Variants in NRDE2 observed in about 807,000 individuals in gnomAD.
NRDE2 encodes NRDE-2, necessary for RNA interference, domain containing, also known as nuclear exosome regulator NRDE2.
NRDE2 carries 76 observed loss-of-function variants against 124.2 expected under a neutral mutation model. The ratio of observed to expected loss-of-function variants is 0.61; its 90% CI spans 0.51 to 0.74. NRDE2 has a LOEUF of 0.74. Ranked by LOEUF, NRDE2 falls within the 30% of genes least tolerant of loss-of-function variation. The pLI, the probability that NRDE2 is intolerant of heterozygous loss-of-function variation, is 0.00. For synonymous variants in NRDE2, 489 were observed against 528.1 expected, an observed-to-expected ratio of 0.93 and a Z score of 1.01; for missense variants, 1,314 against 1,417.3, an observed-to-expected ratio of 0.93 and a Z score of 1.17.
rs537683983 is a variant in NRDE2 at position 90,286,960 on chromosome 14, G to T, written c.3159-468C>A. Among the ~76,000 whole-genome samples, 7 of 149,436 alleles carry T rather than the reference G, an allele frequency of 4.7e-5. No individual in the cohort carries two copies. In the South Asian group the frequency reaches 1.5e-3, roughly 32 times the overall value. On this transcript the variant is annotated intron_variant, in intron 11 of 13. Transcript: ENST00000354366. ...GAGGCAGGAGAATTGCTTGAACCCG[G>T]GAGGCGGAGGTTGCAGTGAGCTGAG...
intron 8 of NRDE2, among the ~76,000 whole-genome samples, chr14:90,296,535 C>T (rs144572166): frequency 7.6e-4 from 115 of 152,290 alleles, no homozygotes; most frequent in Admixed American, 1.8e-3. Flanking sequence ...AATAGAGATG[C>T]TCCCTGGCCC....
rs868439568 is a variant in NRDE2 at position 90,289,064 on chromosome 14, G to C, written c.2311C>G (p.Leu771Val). 1.2e-6 allele frequency: 2 copies of C among 1,614,062 alleles called. No homozygotes were observed. Among genetic ancestry groups the C allele is most frequent in the Non-Finnish European group, 1.7e-6 (2 of 1,179,944 alleles). ...TTGTTGCAGTTTTCTGGCTCCTTAA[G>C]GAGATTCTTGGCTAGTTTTTTGCAG... The part of the protein sequence containing the change: ...KNCKKLAKNL[L>V]KEPENCNNFC... The change falls in exon 11 of 14, where the codon CTT becomes GTT. Residue 771 changes from leucine to valine, a missense_variant. Transcript: ENST00000354366.
chr14:90,286,803 C>T lies in NRDE2; in HGVS notation c.3159-311G>A, dbSNP rs528124809. Among the ~76,000 whole-genome samples the T allele has an allele frequency of 4.4e-4, 67 of 152,154 alleles. 1 individual carries two copies. Among genetic ancestry groups the T allele is most frequent in the Non-Finnish European group, 1.9e-4 (13 of 67,992 alleles). The stretch of plus-strand genomic sequence containing the variant: ...ATGGCTCATGCCTGTAATCCTAGCA[C>T]TTCGGGAGGCCAAGGTGGGTAGATC... On this transcript the variant is annotated intron_variant, in intron 11 of 13. Transcript: ENST00000354366.
At chr14:90,299,580 G>C (rs1884313468) in intron 7 of NRDE2, among the ~76,000 whole-genome samples, 1 of 152,178 alleles carries the variant, frequency 6.6e-6, no homozygotes, top group African/African-American at 2.4e-5. Flanking sequence ...AGGACAAGCA[G>C]GCTTCCAGTG....
chr14:90,318,131 G>A lies in NRDE2; in HGVS notation c.65-18C>T. 1 of 1,575,684 alleles carries A rather than the reference G, an allele frequency of 6.3e-7. No individual in the cohort carries two copies. Among genetic ancestry groups the A allele is most frequent in the Non-Finnish European group, 8.7e-7 (1 of 1,149,716 alleles). ...GTCTAACTCTGCACAGGCAAAAGGA[G>A]AAAAGATCAATGAAATTAGTTCAAT... On this transcript the variant is annotated intron_variant, in intron 1 of 13. Coordinates refer to ENST00000354366, the MANE Select transcript of NRDE2 (RefSeq NM_017970.4).
At chr14:90,301,413 C>G (rs748192292) in intron 6 of NRDE2, 41 bp from the exon 7 acceptor site, 2 of 1,604,188 alleles carry the variant, frequency 1.2e-6, no homozygotes, top group Non-Finnish European at 1.7e-6. Context: ...CTGGTTGATA[C>G]CGTTAAAGGG....
intron 1 of NRDE2, 65 bp downstream of exon 1, chr14:90,331,776 C>T (rs1885711352): frequency 1.3e-6 from 2 of 1,534,022 alleles, no homozygotes; most frequent in African/African-American, 2.7e-5. Flanking sequence ...AAAGTCTAGA[C>T]CTGGGCCCGA....
chr14:90,288,188 G>A (rs754699660), intron 11 of NRDE2, 29 bp downstream of exon 11: 24 of 1,582,182 alleles, frequency 1.5e-5, no homozygotes, highest in Non-Finnish European at 2.1e-5. Context: ...ACATTTGCGG[G>A]GCACACGAAC....
At chr14:90,310,680 C>T (rs2139699562) in intron 4 of NRDE2, among the ~76,000 whole-genome samples, 1 of 152,226 alleles carries the variant, frequency 6.6e-6, no homozygotes, top group Non-Finnish European at 1.5e-5. Flanking sequence ...ACAACATGCC[C>T]AGCTAATTTT....
intron 10 of NRDE2, among the ~76,000 whole-genome samples, chr14:90,289,952 T>C (rs1159920392): frequency 6.6e-6 from 1 of 152,192 alleles, no homozygotes; most frequent in Non-Finnish European, 1.5e-5. Context: ...GAGCACTCAT[T>C]GTTCATGTAA....
chr14:90,316,473 G>A (rs1255333671), intron 3 of NRDE2, 105 bp downstream of exon 3: 4 of 784,780 alleles, frequency 5.1e-6, no homozygotes, highest in South Asian at 1.7e-5. Context: ...GCTCTCTTCC[G>A]ACTGAGTGAC....
chr14:90,295,912 TG>T (rs1483880364), intron 8 of NRDE2, among the ~76,000 whole-genome samples: 1 of 152,230 alleles, frequency 6.6e-6, no homozygotes, highest in Non-Finnish European at 1.5e-5. Flanking sequence ...TTGCAGAGAA[TG>T]TAAGTACCAA....
intron 4 of NRDE2, among the ~76,000 whole-genome samples, chr14:90,308,598 A>G (rs1387506050): frequency 6.6e-6 from 1 of 152,186 alleles, no homozygotes; most frequent in East Asian, 1.9e-4. Context: ...TAGTCCTCAC[A>G]TGACAGTGCT....
chr14:90,325,192 GA>G (rs1462991575), intron 1 of NRDE2, among the ~76,000 whole-genome samples: 1 of 152,060 alleles, frequency 6.6e-6, no homozygotes, highest in Non-Finnish European at 1.5e-5. Context: ...AGGTTTGGGG[GA>G]AAAAGATAAT....
At chr14:90,313,197 G>A (rs529532242) in intron 3 of NRDE2, among the ~76,000 whole-genome samples, 1 of 136,630 alleles carries the variant, frequency 7.3e-6, no homozygotes, top group Non-Finnish European at 1.5e-5. Flanking sequence ...CGCCATCTCC[G>A]CTCACTGCAA....
Position 90,275,499 on chromosome 14 carries a change from A to G in NRDE2, c.*2837T>C, listed in dbSNP as rs746155926. 1 of 150,052 alleles carries G rather than the reference A, an allele frequency of 6.7e-6. No homozygotes were observed. The highest frequency in any genetic ancestry group is 1.5e-5 in the Non-Finnish European group (1 of 68,042). 9.3% of individuals were successfully genotyped at this position (150,052 alleles called of 1,614,324 possible). On this transcript the variant is annotated 3_prime_UTR_variant, in exon 14 of 14. Transcript: ENST00000354366. Reference sequence around the variant, plus strand: ...TTCCTCTAGAGGGACAGTCTCCCTCATGTCAATTCTACAAAAGCAGCTAAA... The same window carrying G: ...TTCCTCTAGAGGGACAGTCTCCCTCGTGTCAATTCTACAAAAGCAGCTAAA...
intron 1 of NRDE2, among the ~76,000 whole-genome samples, chr14:90,322,069 G>A (rs1467431432): frequency 2.0e-5 from 3 of 152,108 alleles, no homozygotes; most frequent in Non-Finnish European, 2.9e-5. Context: ...CCCACGCCAC[G>A]GAGCTTCTCT....
chr14:90,288,033 C>T (rs1056710370), intron 11 of NRDE2, among the ~76,000 whole-genome samples, 184 bp downstream of exon 11: 2 of 152,200 alleles, frequency 1.3e-5, no homozygotes, highest in Non-Finnish European at 2.9e-5. Context: ...TGAGAGGCGC[C>T]GCTACTTTGT....
rs143218323 is a variant in NRDE2 at position 90,288,435 on chromosome 14, C to T, written c.2940G>A (p.Leu980=). The change falls in exon 11 of 14, where the codon CTG becomes CTA. Residue 980 remains leucine (L), a synonymous_variant. Transcript: ENST00000354366. ...RFHMKVSVYP[L]APLREALSQA... The stretch of plus-strand genomic sequence containing the variant: ...GTGAGAGTGCCTCTCGCAGAGGGGC[C>T]AGCGGGTAAACACTCACTTTCATGT... 25 of 1,614,020 alleles carry T rather than the reference C, an allele frequency of 1.5e-5. No homozygotes were observed. The African/African-American group carries it at 2.3e-4, about 15-fold the overall frequency.
Sources: allele counts gnomAD v4.1 joint callset (sites outside exome capture counted in the v4.1 genomes callset), GRCh38; gene constraint gnomAD v4.1.1; transcripts MANE v1.5; gene names NCBI Gene and HGNC (gene_info 2026-07-23, HGNC 2026-07-21).